The following SLC16A12 variants were observed in gnomAD, a reference collection of about 807,000 sequenced individuals.
SLC16A12 encodes the protein monocarboxylate transporter 12.
In SLC16A12, 17 loss-of-function variants were observed where a neutral mutation model predicts 42.4. The ratio of observed to expected loss-of-function variants is 0.40; its 90% confidence interval spans 0.27 to 0.60. The LOEUF is 0.60. Ranked by LOEUF, SLC16A12 falls within the 20% of genes least tolerant of loss-of-function variation. The pLI, the probability that SLC16A12 is intolerant of heterozygous loss-of-function variation, is 0.42. For synonymous variants in SLC16A12, 224 were observed against 229.4 expected, an observed-to-expected ratio of 0.98 and a Z score of 0.21; for missense variants, 544 against 623.0, an observed-to-expected ratio of 0.87 and a Z score of 1.35.
chr10:89,524,856 TA>T (rs1402126573), intron 2 of SLC16A12, among the ~76,000 whole-genome samples: 9 of 152,240 alleles, frequency 5.9e-5, no homozygotes, highest in Non-Finnish European at 1.3e-4. Flanking sequence ...TTAGAGACTT[TA>T]AAGGTAATTA....
intron 2 of SLC16A12, among the ~76,000 whole-genome samples, chr10:89,487,962 GTGTATA>G (rs1564586502): frequency 1.6e-5 from 1 of 62,806 alleles, no homozygotes; most frequent in African/African-American, 6.7e-5. Flanking sequence ...TGTGGTGTGT[GTGTATA>G]TATATATATA....
upstream of SLC16A12, among the ~76,000 whole-genome samples, chr10:89,535,753 G>A (rs946279364): frequency 6.6e-6 from 1 of 152,056 alleles, no homozygotes; most frequent in African/African-American, 2.4e-5. Flanking sequence ...GCCGAGCCGC[G>A]TCCCTGCGCA....
At chr10:89,505,523 T>C (rs1843047722) in intron 2 of SLC16A12, among the ~76,000 whole-genome samples, 1 of 150,606 alleles carries the variant, frequency 6.6e-6, no homozygotes, top group Non-Finnish European at 1.5e-5. Flanking sequence ...AGAAGATGGG[T>C]GATTTCTGCA....
upstream of SLC16A12, among the ~76,000 whole-genome samples, chr10:89,537,680 CT>C (rs1843688910): frequency 6.6e-6 from 1 of 152,316 alleles, no homozygotes; most frequent in African/African-American, 2.4e-5. Flanking sequence ...AAAAATGCTT[CT>C]TTCAGTTAAA....
chr10:89,524,335 C>T (rs1169830069), intron 2 of SLC16A12, among the ~76,000 whole-genome samples: 1 of 152,170 alleles, frequency 6.6e-6, no homozygotes, highest in East Asian at 1.9e-4. Context: ...ATCAAAACCC[C>T]TTGGTGGTGC....
At chr10:89,553,806 C>A (rs1035240186) in intron 2 of SLC16A12, among the ~76,000 whole-genome samples, 1 of 151,668 alleles carries the variant, frequency 6.6e-6, no homozygotes, top group Non-Finnish European at 1.5e-5. Context: ...CCAGCCTGGC[C>A]AACACAGTGA....
At chr10:89,481,570 T>C (rs895400624) in intron 2 of SLC16A12, among the ~76,000 whole-genome samples, 9 of 152,068 alleles carry the variant, frequency 5.9e-5, no homozygotes, top group Admixed American at 5.2e-4. Context: ...CAAGAATCTA[T>C]TGATGGATAG....
intron 3 of SLC16A12, among the ~76,000 whole-genome samples, chr10:89,453,056 A>C (rs1007500855): frequency 6.6e-6 from 1 of 152,158 alleles, no homozygotes; most frequent in African/African-American, 2.4e-5. Context: ...GCTCTATGTA[A>C]TTCTCTGTCA....
intron 3 of SLC16A12, among the ~76,000 whole-genome samples, chr10:89,459,197 A>G (rs1280718207): frequency 6.6e-6 from 1 of 152,152 alleles, no homozygotes; most frequent in East Asian, 1.9e-4. Flanking sequence ...GTGTAAGAGT[A>G]ATTTGGAGAC....
At chr10:89,521,844 T>G (rs1444369577) in intron 2 of SLC16A12, among the ~76,000 whole-genome samples, 1 of 152,252 alleles carries the variant, frequency 6.6e-6, no homozygotes, top group South Asian at 2.1e-4. Context: ...AACACTGCCA[T>G]GCAAAATGTA....
At chr10:89,450,824 G>T (rs977928263) in intron 3 of SLC16A12, among the ~76,000 whole-genome samples, 1 of 152,086 alleles carries the variant, frequency 6.6e-6, no homozygotes, top group African/African-American at 2.4e-5. Flanking sequence ...TAAATGGTGA[G>T]ATTAGAAATA....
At position 89,431,716 on chromosome 10, in the gene SLC16A12, G is replaced by C. The variant is rs565096673; in HGVS notation, c.*1348C>G. The stretch of plus-strand genomic sequence containing the variant: ...CAGGTGTGACACACTGTGAGATTCA[G>C]GATTATAATTCTTTGGACTTAAAAT... On this transcript the variant is annotated 3_prime_UTR_variant, in exon 8 of 8. Transcript: ENST00000371790. 2.4e-4 allele frequency: 36 copies of C among 152,334 alleles called. No individual in the cohort carries two copies. Among genetic ancestry groups the C allele is most frequent in the African/African-American group, 8.7e-4 (36 of 41,574 alleles). 9.4% of individuals were successfully genotyped at this position (152,334 alleles called of 1,614,324 possible).
At chr10:89,556,141 G>A (rs1172489969) in intron 1 of SLC16A12, among the ~76,000 whole-genome samples, 1 of 152,112 alleles carries the variant, frequency 6.6e-6, no homozygotes, top group African/African-American at 2.4e-5. Flanking sequence ...TGTATTGACA[G>A]CTTTCTACCC....
chr10:89,481,284 T>C (rs1338628248), intron 2 of SLC16A12, among the ~76,000 whole-genome samples: 4 of 152,198 alleles, frequency 2.6e-5, no homozygotes, highest in Admixed American at 1.3e-4. Context: ...GGAATACTCA[T>C]GCTCTTTTTA....
chr10:89,536,334 T>C (rs977724999), upstream of SLC16A12, among the ~76,000 whole-genome samples: 28 of 152,244 alleles, frequency 1.8e-4, no homozygotes, highest in East Asian at 4.1e-3. Flanking sequence ...TGAAAAGCGT[T>C]ATCTCTTGGA....
upstream of SLC16A12, among the ~76,000 whole-genome samples, chr10:89,538,746 C>T (rs563643519): frequency 6.6e-6 from 1 of 152,196 alleles, no homozygotes; most frequent in African/African-American, 2.4e-5. Flanking sequence ...AATATTAATC[C>T]TTATTAGTAT....
intron 2 of SLC16A12, among the ~76,000 whole-genome samples, chr10:89,465,372 T>C (rs1249654863): frequency 6.6e-6 from 1 of 152,210 alleles, no homozygotes; most frequent in Non-Finnish European, 1.5e-5. Flanking sequence ...ATGATGTGAA[T>C]TGCAGCCTGA....
At chr10:89,458,507 G>A (rs1056735615) in intron 3 of SLC16A12, among the ~76,000 whole-genome samples, 24 of 152,248 alleles carry the variant, frequency 1.6e-4, no homozygotes, top group Middle Eastern at 3.4e-3. Flanking sequence ...TGGCATAAGC[G>A]CACCAACTAT....
At chr10:89,510,897 C>G (rs1422671732) in intron 2 of SLC16A12, among the ~76,000 whole-genome samples, 1 of 152,056 alleles carries the variant, frequency 6.6e-6, no homozygotes, top group Non-Finnish European at 1.5e-5. Flanking sequence ...AAAAAACAAA[C>G]AACCCCATCA....
Sources: gnomAD v4.1 joint callset for allele counts (sites outside exome capture counted in the v4.1 genomes callset) on GRCh38, gnomAD v4.1.1 for gene constraint, MANE v1.5 for transcripts, NCBI Gene and HGNC (gene_info 2026-07-23, HGNC 2026-07-21) for gene names.